TBCD: variants seen among roughly 807,000 people sequenced by gnomAD.
TBCD encodes the protein tubulin folding cofactor D.
A neutral mutation model predicts 169.3 loss-of-function variants in TBCD; 105 were observed. That is an observed-to-expected ratio of 0.62 (90% CI 0.53 to 0.73). The LOEUF (loss-of-function observed/expected upper bound fraction) is 0.73. Ranked by LOEUF, TBCD falls within the 30% of genes least tolerant of loss-of-function variation. The pLI, the probability that TBCD is intolerant of heterozygous loss-of-function variation, is 0.00. For synonymous variants in TBCD, 700 were observed against 643.9 expected (o/e 1.09, Z -1.32); for missense variants, 1,444 against 1,600.1 (o/e 0.90, Z 1.66).
At chr17:82,935,235 T>C (rs1409201201) in intron 34 of TBCD, among the ~76,000 whole-genome samples, 2 of 152,226 alleles carry the variant, frequency 1.3e-5, no homozygotes, top group Non-Finnish European at 2.9e-5. Flanking sequence ...TCTAGGATGC[T>C]TTTTGCTCCA....
chr17:82,889,623 G>A lies in TBCD; in HGVS notation c.1534-45G>A, dbSNP rs1362959113. ...TCTGAACTTGCCTCTGGTGTTGGCGGAAGCTGACCTCGCTCACCTGCTGTG... is the reference window on the plus strand; with the variant it reads ...TCTGAACTTGCCTCTGGTGTTGGCGAAAGCTGACCTCGCTCACCTGCTGTG... On this transcript the variant is annotated intron_variant, in intron 15 of 38. Transcript: ENST00000355528. The surrounding 1 kb of genome is among the most constrained non-coding windows in gnomAD (Gnocchi z 5.3). 1.9e-6 allele frequency: 3 copies of A among 1,613,544 alleles called. No individual in the cohort carries two copies. The highest frequency in any genetic ancestry group is 2.7e-5 in the African/African-American group (2 of 75,036).
chr17:82,784,815 A>AC (rs1371104137), intron 7 of TBCD, among the ~76,000 whole-genome samples: 6 of 152,174 alleles, frequency 3.9e-5, no homozygotes. Flanking sequence ...CGTGTGGAAG[A>AC]CCATGAGCCT....
chr17:82,871,208 A>G (rs919066823), intron 14 of TBCD, among the ~76,000 whole-genome samples: 2 of 124,202 alleles, frequency 1.6e-5, no homozygotes. Context: ...AGGATCTGAT[A>G]CTTTTTGCTT....
intron 13 of TBCD, among the ~76,000 whole-genome samples, chr17:82,862,659 C>T (rs1453284600): frequency 6.6e-6 from 1 of 152,170 alleles, no homozygotes; most frequent in Non-Finnish European, 1.5e-5. Flanking sequence ...TATTTCTAAG[C>T]ACATGATTTA....
intron 13 of TBCD, among the ~76,000 whole-genome samples, chr17:82,815,521 C>T (rs937422629): frequency 1.3e-5 from 2 of 152,238 alleles, no homozygotes; most frequent in Non-Finnish European, 1.5e-5. Flanking sequence ...GGACAGAGGG[C>T]ACAGCATGGC....
chr17:82,774,790 C>G (rs1482518039), intron 6 of TBCD, among the ~76,000 whole-genome samples: 2 of 152,150 alleles, frequency 1.3e-5, no homozygotes, highest in African/African-American at 2.4e-5. Flanking sequence ...AAATTGTGTA[C>G]CGTTCTGACT....
chr17:82,841,076 G>A (rs558553976), intron 13 of TBCD, among the ~76,000 whole-genome samples: 30 of 148,498 alleles, frequency 2.0e-4, no homozygotes, highest in African/African-American at 7.2e-4. Flanking sequence ...CCGAGTAGCT[G>A]GGACTACAGG....
chr17:82,824,556 A>G (rs758422988), intron 13 of TBCD, among the ~76,000 whole-genome samples: 1 of 152,034 alleles, frequency 6.6e-6, no homozygotes, highest in Non-Finnish European at 1.5e-5. Context: ...TCACAGGCCC[A>G]ATCATAGTAC....
chr17:82,779,706 G>A (rs796585307), intron 6 of TBCD, among the ~76,000 whole-genome samples: 2 of 152,232 alleles, frequency 1.3e-5, no homozygotes, highest in South Asian at 4.1e-4. Flanking sequence ...CCAACTAGAT[G>A]GATGTGCTGG....
At chr17:82,926,375 T>C in intron 27 of TBCD, 25 bp from the exon 28 acceptor site, 3 of 1,608,708 alleles carry the variant, frequency 1.9e-6, no homozygotes, top group Non-Finnish European at 2.6e-6. Flanking sequence ...TTATGGTTCT[T>C]CTGTGATTCT....
At chr17:82,887,168 T>TGC (rs113145269) in intron 15 of TBCD, among the ~76,000 whole-genome samples, 2,913 of 126,090 alleles carry the variant, frequency 0.023, 51 homozygotes, top group Middle Eastern at 0.032. Context: ...TGTGTGTGTG[T>TGC]GCGCGCGCGC....
rs1054185859 is a variant in TBCD, at chr17:82,835,485, C to T, written c.1318+20551C>T. Among the ~76,000 whole-genome samples, 4 of 152,096 alleles carry T rather than the reference C, an allele frequency of 2.6e-5. No individual in the cohort carries two copies. The highest frequency in any genetic ancestry group is 2.0e-4 in the Admixed American group (3 of 15,266). On this transcript the variant is annotated intron_variant, in intron 13 of 38. Coordinates refer to ENST00000355528, the MANE Select transcript of TBCD (RefSeq NM_005993.5). The surrounding 1 kb of genome is among the most constrained non-coding windows in gnomAD (Gnocchi z 4.5). ...TTGCCCAGGCTGGAGGGCAGTGGTG[C>T]GATCTCGGTTCACTGCAACCTCTGC... is the stretch of plus-strand genomic sequence containing the variant.
chr17:82,927,971 G>T lies in TBCD; in HGVS notation c.2676G>T (p.Glu892Asp). ...LTLLLARSQPELIEAHTCERI... is the reference protein window; with the variant it reads ...LTLLLARSQPDLIEAHTCERI... Reference sequence around the variant, plus strand: ...TTCTGCTGGCTCGGAGCCAGCCTGAGCTGATCGAGGCCCATACGTGAGTGT... The same window carrying T: ...TTCTGCTGGCTCGGAGCCAGCCTGATCTGATCGAGGCCCATACGTGAGTGT... The change falls in exon 30 of 39, where the codon GAG (glutamate) becomes GAT (aspartate). Residue 892 changes from glutamate to aspartate, a missense_variant. By Grantham distance (45) the Glu-to-Asp change is conservative (BLOSUM62 2). Coordinates refer to ENST00000355528, the MANE Select transcript of TBCD (RefSeq NM_005993.5). 6.2e-7 allele frequency: 1 copy of T among 1,611,896 alleles called. No individual in the cohort carries two copies. Among genetic ancestry groups the T allele is most frequent in the Non-Finnish European group, 8.5e-7 (1 of 1,179,750 alleles).
Position 82,938,081 on chromosome 17 carries a change from TGAGGAG to T in TBCD, c.3316_3321del (p.Arg1106_Arg1107del), listed in dbSNP as rs2062786436. On this transcript the variant is annotated inframe_deletion, in exon 36 of 39. Transcript: ENST00000355528. ...GAGATGGTGCAGTTCCCCGGCGACG[TGAGGAG>T]GCAGGCCCTCCTGCAGCTGTGTCTG... is the stretch of plus-strand genomic sequence containing the variant. 2 of 1,613,030 alleles carry T rather than the reference TGAGGAG, an allele frequency of 1.2e-6. No individual in the cohort carries two copies. Among genetic ancestry groups the T allele is most frequent in the Non-Finnish European group, 1.7e-6 (2 of 1,179,838 alleles).
At chr17:82,909,205 C>T in intron 21 of TBCD, 80 bp from the exon 22 acceptor site, 1 of 1,194,394 alleles carries the variant, frequency 8.4e-7, no homozygotes, top group East Asian at 2.6e-5. Flanking sequence ...TCTCTTTGTT[C>T]TTGTTTTTGA....
At chr17:82,912,342 C>T (rs986453022) in intron 23 of TBCD, among the ~76,000 whole-genome samples, 6 of 152,214 alleles carry the variant, frequency 3.9e-5, no homozygotes, top group East Asian at 1.9e-4. Context: ...TTAGGACAGT[C>T]GGGCATTTTT....
chr17:82,891,112 G>A (rs1567969754), intron 16 of TBCD, among the ~76,000 whole-genome samples: 1 of 152,218 alleles, frequency 6.6e-6, no homozygotes, highest in South Asian at 2.1e-4. Flanking sequence ...TCTGTGTTCC[G>A]GGTTCCCAGA....
At chr17:82,783,021 A>G (rs977713364) in intron 7 of TBCD, among the ~76,000 whole-genome samples, 1 of 149,932 alleles carries the variant, frequency 6.7e-6, no homozygotes, top group East Asian at 2.0e-4. Flanking sequence ...TGTCTGTGGT[A>G]TCATCTTCCT....
At chr17:82,852,789 G>T (rs1041764991) in intron 13 of TBCD, among the ~76,000 whole-genome samples, 1 of 152,206 alleles carries the variant, frequency 6.6e-6, no homozygotes, top group African/African-American at 2.4e-5. Flanking sequence ...AGACGTTTGG[G>T]TTGTTTCCCA....
Sources: allele counts gnomAD v4.1 joint callset (sites outside exome capture counted in the v4.1 genomes callset), GRCh38; gene constraint gnomAD v4.1.1; non-coding constraint Gnocchi (gnomAD v3.1); transcripts MANE v1.5; gene names NCBI Gene and HGNC (gene_info 2026-07-23, HGNC 2026-07-21).